The following ULK2 variants were observed in gnomAD, a reference collection of about 807,000 sequenced individuals.
The protein encoded by ULK2 is serine/threonine-protein kinase ULK2.
In ULK2, 76 loss-of-function variants were observed where a neutral mutation model predicts 127.5. The observed-to-expected ratio is 0.60, with a 90% CI of 0.50 to 0.72. The LOEUF (loss-of-function observed/expected upper bound fraction) is 0.72. ULK2 is among the 30% of genes least tolerant of loss of function. The pLI, the probability that ULK2 is intolerant of heterozygous loss-of-function variation, is 0.00. For missense variants in ULK2, 1,144 were observed against 1,295.9 expected, an observed-to-expected ratio of 0.88 and a Z score of 1.80; for synonymous variants, 452 against 461.9, an observed-to-expected ratio of 0.98 and a Z score of 0.28.
At chr17:19,819,594 T>C (rs904905763) in intron 12 of ULK2, among the ~76,000 whole-genome samples, 9 of 152,218 alleles carry the variant, frequency 5.9e-5, no homozygotes, top group African/African-American at 2.2e-4. Context: ...TGATGAGCTC[T>C]AGATCCCTTT....
At chr17:19,856,275 CT>C (rs1336741898) in intron 3 of ULK2, 2 of 152,214 alleles carry the variant, frequency 1.3e-5, no homozygotes, top group African/African-American at 4.8e-5. Context: ...ATATGGCATG[CT>C]TATTTTTCTC....
chr17:19,856,800 G>A (rs185159245), intron 3 of ULK2, among the ~76,000 whole-genome samples: 529 of 149,770 alleles, frequency 3.5e-3, no homozygotes, highest in Non-Finnish European at 5.9e-3. Flanking sequence ...GTGAAACCCC[G>A]TCTCTACTAA....
intron 3 of ULK2, among the ~76,000 whole-genome samples, chr17:19,862,434 TTG>T (rs1415252575): frequency 1.3e-5 from 2 of 152,228 alleles, no homozygotes; most frequent in East Asian, 3.9e-4. Context: ...TTTAGTTACT[TTG>T]TGTTATGATA....
intron 3 of ULK2, among the ~76,000 whole-genome samples, chr17:19,858,164 C>A (rs1197374403): frequency 6.6e-6 from 1 of 152,064 alleles, no homozygotes; most frequent in African/African-American, 2.4e-5. Flanking sequence ...CTTTGGGAAG[C>A]CAAGCTGGGC....
intron 3 of ULK2, chr17:19,855,918 G>C (rs746836746): frequency 3.9e-5 from 6 of 152,184 alleles, no homozygotes; most frequent in Non-Finnish European, 8.8e-5. Flanking sequence ...AGGAGGCAAA[G>C]GCAGGAAGAT....
chr17:19,864,805 G>T lies in ULK2; in HGVS notation c.223C>A (p.Gln75Lys). ...TAAAAATTTTCAAAATAAGGTACCT[G>T]AACATCATAGAGTGCTACAATATTT... Reference protein sequence around the residue: ...HENIVALYDVQELPNSVFLVM... With the variant: ...HENIVALYDVKELPNSVFLVM... The change falls in exon 3 of 27, where the codon CAG (glutamine) becomes AAG (lysine). Residue 75 changes from glutamine to lysine, a missense_variant and splice_region_variant. By Grantham distance (53) the Gln-to-Lys change is moderately conservative. Transcript: ENST00000395544. The T allele has an allele frequency of 1.5e-6, 2 of 1,301,248 alleles. No homozygotes were observed. The highest frequency in any genetic ancestry group is 4.6e-5 in the South Asian group (2 of 43,812). The allele number at this position is 1,301,248 out of a possible 1,614,324, so 80.6% of individuals were successfully genotyped here. A position where few individuals can be genotyped will look rare whatever the true frequency, so the allele number is the denominator to read the frequency against.
chr17:19,782,087 T>C lies in ULK2; in HGVS notation c.2461-20A>G, dbSNP rs952186127. On this transcript the variant is annotated intron_variant, in intron 22 of 26. Coordinates refer to ENST00000395544, the MANE Select transcript of ULK2 (RefSeq NM_014683.4). Reference sequence around the variant, plus strand: ...TTCCCGCTGCAGCAAAGTCAATTTGTCTTAGAAAATTTCAGATTAAAAATA... The same window carrying C: ...TTCCCGCTGCAGCAAAGTCAATTTGCCTTAGAAAATTTCAGATTAAAAATA... 14 of 1,610,718 alleles carry C rather than the reference T, an allele frequency of 8.7e-6. No individual in the cohort carries two copies. The highest frequency in any genetic ancestry group is 1.1e-5 in the Non-Finnish European group (13 of 1,177,948).
At chr17:19,849,995 G>C (rs544296971) in intron 3 of ULK2, among the ~76,000 whole-genome samples, 2 of 152,256 alleles carry the variant, frequency 1.3e-5, no homozygotes, top group South Asian at 4.1e-4. Context: ...TCATCAAGAA[G>C]TAAAATTTTG....
At chr17:19,783,580 G>A (rs1202354237) in intron 22 of ULK2, 117 bp downstream of exon 22, 3 of 1,050,232 alleles carry the variant, frequency 2.9e-6, no homozygotes, top group Non-Finnish European at 3.8e-6. Flanking sequence ...AAACAGAAAA[G>A]GCACGTTAAA....
At chr17:19,819,562 G>T (rs2041084716) in intron 12 of ULK2, among the ~76,000 whole-genome samples, 1 of 152,078 alleles carries the variant, frequency 6.6e-6, no homozygotes, top group Non-Finnish European at 1.5e-5. Flanking sequence ...CCTACTTTTT[G>T]ATCTTCAGCC....
rs531216557 is a variant in ULK2 at position 19,795,825 on chromosome 17, C to A, written c.1998-100G>T. Reference sequence around the variant, plus strand: ...AGAATGAGGAAACAAGAAATAGATACCAAACAATTCAGGGTAGAGATAAAC... The same window carrying A: ...AGAATGAGGAAACAAGAAATAGATAACAAACAATTCAGGGTAGAGATAAAC... On this transcript the variant is annotated intron_variant, in intron 19 of 26. Coordinates refer to ENST00000395544, the MANE Select transcript of ULK2 (RefSeq NM_014683.4). The A allele has an allele frequency of 1.4e-4, 160 of 1,130,592 alleles. 1 individual carries two copies. In the African/African-American group the frequency reaches 2.4e-3, roughly 17 times the overall value. The allele number at this position is 1,130,592 out of a possible 1,614,324, so 70.0% of individuals were successfully genotyped here. A position where few individuals can be genotyped will look rare whatever the true frequency, so the allele number is the denominator to read the frequency against.
At chr17:19,780,944 T>A in intron 24 of ULK2, 42 bp downstream of exon 24, 2 of 1,573,176 alleles carry the variant, frequency 1.3e-6, no homozygotes, top group South Asian at 2.2e-5. Flanking sequence ...AAGAGCAACT[T>A]AAGGACTGAC....
chr17:19,867,298 G>A (rs1420298305), intron 1 of ULK2, 30 bp downstream of exon 1: 5 of 1,525,432 alleles, frequency 3.3e-6, no homozygotes, highest in Non-Finnish European at 2.6e-6. Flanking sequence ...CTGCCGCCCG[G>A]GGCCCGGCCT....
intron 3 of ULK2, among the ~76,000 whole-genome samples, chr17:19,860,586 G>A (rs938957632): frequency 6.0e-5 from 9 of 149,082 alleles, no homozygotes; most frequent in Non-Finnish European, 8.9e-5. Flanking sequence ...GTGCAATGGC[G>A]CGATCTCGGC....
At position 19,788,002 on chromosome 17, in the gene ULK2, C is replaced by T. The variant is rs138809072; in HGVS notation, c.2102-1916G>A. On this transcript the variant is annotated intron_variant, in intron 20 of 26. Transcript: ENST00000395544. ...AACCATGCTGAACTCAGCTGGTGTC[C>T]GCCCACGGAGGGAGCATTTGGACCA... is the stretch of plus-strand genomic sequence containing the variant. 2.2e-3 allele frequency among the ~76,000 whole-genome samples: 328 copies of T among 152,270 alleles called. 1 individual carries two copies. Among genetic ancestry groups the T allele is most frequent in the African/African-American group, 7.5e-3 (313 of 41,552 alleles).
In ULK2 at chr17:19,796,519, A is replaced by T. The variant is rs138139558; in HGVS notation, c.1810-237T>A. On this transcript the variant is annotated intron_variant, in intron 18 of 26. Transcript: ENST00000395544. ...TCTGGTTCCTGAAAGCTTAGGTTAG[A>T]TAACAAGGGGATGTAAAAAAACTGA... Among the ~76,000 whole-genome samples the T allele has an allele frequency of 2.0e-5, 3 of 152,274 alleles. No homozygotes were observed. The East Asian group carries it at 5.8e-4, about 29-fold the overall frequency.
intron 13 of ULK2, among the ~76,000 whole-genome samples, chr17:19,814,449 T>TACATATATATACATATATATACG (rs1567696658): frequency 1.9e-5 from 1 of 52,890 alleles, no homozygotes; most frequent in African/African-American, 7.8e-5. Context: ...TTTTTTTTTT[T>TACATATATATACATATATATACG]TTTTTTTTTT....
At chr17:19,823,008 T>C (rs922449014) in intron 12 of ULK2, among the ~76,000 whole-genome samples, 2 of 150,406 alleles carry the variant, frequency 1.3e-5, no homozygotes, top group African/African-American at 2.5e-5. Flanking sequence ...TTTTTTTTAA[T>C]AGAGGCAGGT....
At chr17:19,849,267 A>C in intron 5 of ULK2, 102 bp downstream of exon 5, 1 of 1,002,342 alleles carries the variant, frequency 1.0e-6, no homozygotes, top group Non-Finnish European at 1.5e-6. Flanking sequence ...GAATGTTTCT[A>C]TACAAGAGCA....
Sources: gnomAD v4.1 joint callset for allele counts (sites outside exome capture counted in the v4.1 genomes callset) on GRCh38, gnomAD v4.1.1 for gene constraint, MANE v1.5 for transcripts, NCBI Gene and HGNC (gene_info 2026-07-23, HGNC 2026-07-21) for gene names.